Variants in PI4KA observed in about 807,000 individuals in gnomAD.
PI4KA encodes the protein phosphatidylinositol 4-kinase alpha, also known as PI4-kinase alpha.
PI4KA carries 122 observed loss-of-function variants against 271.4 expected under a neutral mutation model. The observed-to-expected ratio is 0.45, with a 90% CI of 0.39 to 0.52. PI4KA has a LOEUF of 0.52. Among genes scored for constraint, PI4KA ranks in the 20% least tolerant of loss-of-function variants. PI4KA has a pLI of 0.00. For synonymous variants in PI4KA, 1,041 were observed against 1,078.8 expected (o/e 0.96, Z 0.69); for missense variants, 1,969 against 2,769.1 (o/e 0.71, Z 6.48).
chr22:20,820,591 C>T lies in PI4KA; in HGVS notation c.477G>A (p.Gln159=). The change falls in exon 5 of 55, where the codon CAG becomes CAA. Residue 159 remains glutamine (Q), a synonymous_variant. Transcript: ENST00000255882. ...ACATCCCCAAGAGGACATGCAAAAC[C>T]TGCAAAAGCACCTCTAAAATCTGTA... The part of the protein sequence containing the change: ...LRDEILEVLL[Q]VLHVLLGMCQ... 6.2e-7 allele frequency: 1 copy of T among 1,610,824 alleles called. No individual in the cohort carries two copies. Among genetic ancestry groups the T allele is most frequent in the Non-Finnish European group, 8.5e-7 (1 of 1,177,762 alleles).
intron 19 of PI4KA, chr22:20,780,062 A>ATC: frequency 6.2e-7 from 1 of 1,614,192 alleles, no homozygotes. Flanking sequence ...AGGCCCAGAT[A>ATC]GCTGACTTCT....
Position 20,754,080 on chromosome 22 carries a change from G to C in PI4KA, c.2792-900C>G, listed in dbSNP as rs528189845. On this transcript the variant is annotated intron_variant, in intron 23 of 54. Coordinates refer to ENST00000255882, the MANE Select transcript of PI4KA (RefSeq NM_058004.4). ...CCTTGATCCCTTGGTTTGAGTTACC[G>C]TTTTTCCCTTTTTCTATTTTTTTTG... 2.6e-5 allele frequency among the ~76,000 whole-genome samples: 4 copies of C among 151,924 alleles called. No individual in the cohort carries two copies. In the South Asian group the frequency reaches 8.3e-4, roughly 32 times the overall value.
At chr22:20,833,924 C>A (rs1482329476) in intron 3 of PI4KA, among the ~76,000 whole-genome samples, 1 of 152,030 alleles carries the variant, frequency 6.6e-6, no homozygotes, top group Non-Finnish European at 1.5e-5. Flanking sequence ...TCCCAAAGTG[C>A]TGGGATTACA....
intron 7 of PI4KA, among the ~76,000 whole-genome samples, chr22:20,816,476 G>A (rs1921823805): frequency 6.6e-6 from 1 of 152,018 alleles, no homozygotes; most frequent in Admixed American, 6.6e-5. Context: ...TTGGAAGAGG[G>A]CCTGGGAAGG....
chr22:20,731,013 TACA>T (rs1248882013), intron 36 of PI4KA, among the ~76,000 whole-genome samples: 1 of 152,010 alleles, frequency 6.6e-6, no homozygotes, highest in African/African-American at 2.4e-5. Context: ...GCCCTATCTC[TACA>T]ACAACAATAA....
At chr22:20,739,824 A>T (rs1351808610) in intron 32 of PI4KA, among the ~76,000 whole-genome samples, 1 of 152,218 alleles carries the variant, frequency 6.6e-6, no homozygotes, top group Non-Finnish European at 1.5e-5. Context: ...GCACTTTGGG[A>T]GGCTGAGGCA....
At chr22:20,724,778 C>T (rs538225124) in intron 42 of PI4KA, among the ~76,000 whole-genome samples, 37 of 152,148 alleles carry the variant, frequency 2.4e-4, no homozygotes, top group African/African-American at 8.4e-4. Flanking sequence ...GGTACTGGCT[C>T]CCCTCCCCAC....
At chr22:20,771,812 C>A (rs1410130809) in intron 19 of PI4KA, among the ~76,000 whole-genome samples, 1 of 152,014 alleles carries the variant, frequency 6.6e-6, no homozygotes, top group African/African-American at 2.4e-5. Context: ...GAACTCCTGA[C>A]CTCAAGTGAT....
In PI4KA at chr22:20,820,620, G is replaced by T; in HGVS notation, c.457-9C>A. The T allele has an allele frequency of 1.3e-6, 2 of 1,573,930 alleles. No individual in the cohort carries two copies. The highest frequency in any genetic ancestry group is 1.7e-6 in the Non-Finnish European group (2 of 1,153,660). On this transcript the variant is annotated splice_polypyrimidine_tract_variant and intron_variant, in intron 4 of 54. Coordinates refer to ENST00000255882, the MANE Select transcript of PI4KA (RefSeq NM_058004.4). ...AAAAGCACCTCTAAAATCTGTAACA[G>T]TCAAGGAAACAAGAAAAAAAAAACA...
intron 19 of PI4KA, among the ~76,000 whole-genome samples, chr22:20,778,791 C>A (rs1049004938): frequency 1.3e-5 from 2 of 152,156 alleles, no homozygotes; most frequent in Non-Finnish European, 2.9e-5. Flanking sequence ...ACTCTCTGGG[C>A]ACTTCCACTC....
At chr22:20,814,670 C>A (rs1038529087) in intron 7 of PI4KA, among the ~76,000 whole-genome samples, 1 of 151,616 alleles carries the variant, frequency 6.6e-6, no homozygotes, top group Non-Finnish European at 1.5e-5. Flanking sequence ...GTTGCTTGAG[C>A]CTGGGAGGTC....
intron 19 of PI4KA, among the ~76,000 whole-genome samples, chr22:20,774,703 G>A (rs1417462350): frequency 1.3e-5 from 2 of 150,762 alleles, no homozygotes; most frequent in East Asian, 3.9e-4. Flanking sequence ...AGAGGTTGCA[G>A]TGAGCGGAGA....
At chr22:20,748,482 T>C (rs1305209994) in intron 28 of PI4KA, among the ~76,000 whole-genome samples, 1 of 152,080 alleles carries the variant, frequency 6.6e-6, no homozygotes, top group Admixed American at 6.5e-5. Flanking sequence ...GGGAGAAGGG[T>C]GCTGGGCAAT....
At chr22:20,822,175 G>A (rs767437443) in intron 4 of PI4KA, among the ~76,000 whole-genome samples, 1 of 152,124 alleles carries the variant, frequency 6.6e-6, no homozygotes, top group Non-Finnish European at 1.5e-5. Flanking sequence ...CTCCTAAGTA[G>A]CTGGGATTAC....
intron 14 of PI4KA, among the ~76,000 whole-genome samples, chr22:20,801,490 CAGG>C (rs1484803773): frequency 1.3e-5 from 2 of 151,662 alleles, no homozygotes; most frequent in Admixed American, 6.6e-5. Context: ...GAGGCTGAGG[CAGG>C]AGAATTGCAT....
At position 20,764,994 on chromosome 22, in the gene PI4KA, G is replaced by A. The variant is rs374855772; in HGVS notation, c.2575-44C>T. 2.6e-5 allele frequency: 41 copies of A among 1,586,438 alleles called. No homozygotes were observed. In the African/African-American group the frequency reaches 4.0e-4, roughly 16 times the overall value. ...CCGAGGGCTCATGGGGCATCCCCCAGGACAAACAGGTCCCAGTGGCTGGCA... is the reference window on the plus strand; with the variant it reads ...CCGAGGGCTCATGGGGCATCCCCCAAGACAAACAGGTCCCAGTGGCTGGCA... On this transcript the variant is annotated intron_variant, in intron 21 of 54. Coordinates refer to ENST00000255882, the MANE Select transcript of PI4KA (RefSeq NM_058004.4).
intron 7 of PI4KA, among the ~76,000 whole-genome samples, chr22:20,813,990 C>T (rs916436458): frequency 1.3e-5 from 2 of 151,988 alleles, no homozygotes; most frequent in East Asian, 1.9e-4. Context: ...GTAGAGATGG[C>T]GTTTCGCCAT....
intron 1 of PI4KA, among the ~76,000 whole-genome samples, chr22:20,856,260 C>A (rs1276296273): frequency 6.7e-6 from 1 of 149,940 alleles, no homozygotes; most frequent in African/African-American, 2.5e-5. Flanking sequence ...TGCAGTGAGC[C>A]GAGATCTCAC....
At chr22:20,782,562 G>A (rs968789065) in intron 19 of PI4KA, among the ~76,000 whole-genome samples, 1 of 152,120 alleles carries the variant, frequency 6.6e-6, no homozygotes, top group Non-Finnish European at 1.5e-5. Context: ...ATAAACAGAG[G>A]CAGGCTCTCA....
Sources: gnomAD v4.1 joint callset for allele counts (sites outside exome capture counted in the v4.1 genomes callset) on GRCh38, gnomAD v4.1.1 for gene constraint, MANE v1.5 for transcripts, NCBI Gene and HGNC (gene_info 2026-07-23, HGNC 2026-07-21) for gene names.